Variants in GRM5 observed in about 807,000 individuals in gnomAD.
GRM5 encodes the protein glutamate metabotropic receptor 5.
A neutral mutation model predicts 83.1 loss-of-function variants in GRM5; 19 were observed. The observed-to-expected ratio is 0.23, with a 90% CI of 0.16 to 0.34. The LOEUF is 0.34. Ranked by LOEUF, GRM5 falls within the 10% of genes least tolerant of loss-of-function variation. The pLI is 1.00. For synonymous variants in GRM5, 675 were observed against 633.6 expected (o/e 1.07, Z -0.98); for missense variants, 1,160 against 1,588.3 (o/e 0.73, Z 4.58).
chr11:89,053,572 G>T (rs1249858825), intron 1 of GRM5, among the ~76,000 whole-genome samples: 3 of 151,914 alleles, frequency 2.0e-5, no homozygotes, highest in African/African-American at 7.3e-5. Context: ...GGACAAAATA[G>T]ATATAAAGTC....
chr11:88,828,403 T>C (rs1407658344), intron 3 of GRM5, among the ~76,000 whole-genome samples: 3 of 152,206 alleles, frequency 2.0e-5, no homozygotes, highest in Admixed American at 2.0e-4. Context: ...TCATCCAATC[T>C]TATTTGTTCT....
At chr11:88,639,040 T>A (rs1939216995) in intron 4 of GRM5, among the ~76,000 whole-genome samples, 1 of 152,328 alleles carries the variant, frequency 6.6e-6, no homozygotes, top group African/African-American at 2.4e-5. Flanking sequence ...TTTACAAATT[T>A]CTTGAGGTGG....
chr11:88,646,848 C>T (rs544267415), intron 4 of GRM5, among the ~76,000 whole-genome samples: 1 of 148,042 alleles, frequency 6.8e-6, no homozygotes, highest in African/African-American at 2.4e-5. Context: ...GTTTGAGGAT[C>T]TCTCTTGGTT....
chr11:88,886,258 G>A (rs1590939044), intron 2 of GRM5, among the ~76,000 whole-genome samples: 3 of 152,160 alleles, frequency 2.0e-5, no homozygotes, highest in African/African-American at 4.8e-5. Context: ...TTCCTGGTGC[G>A]TGATGACAAA....
intron 2 of GRM5, among the ~76,000 whole-genome samples, chr11:88,906,789 AATAATGGAAACTCCATTG>A (rs750505864): frequency 5.3e-5 from 8 of 152,218 alleles, no homozygotes; most frequent in Non-Finnish European, 1.2e-4. Context: ...AAATTGAGTA[AATAATGGAAACTCCATTG>A]AGCCATTATA....
chr11:88,761,208 G>A (rs1438943980), intron 3 of GRM5, among the ~76,000 whole-genome samples: 4 of 151,846 alleles, frequency 2.6e-5, no homozygotes, highest in East Asian at 1.9e-4. Flanking sequence ...CAGAGAAATC[G>A]GGCAACAGAA....
chr11:88,815,122 A>T (rs1943652882), intron 3 of GRM5, among the ~76,000 whole-genome samples: 1 of 152,236 alleles, frequency 6.6e-6, no homozygotes, highest in South Asian at 2.1e-4. Context: ...ATGGCAGCAT[A>T]TACATTATTT....
intron 3 of GRM5, among the ~76,000 whole-genome samples, chr11:88,701,198 C>T (rs896660451): frequency 1.3e-5 from 2 of 152,138 alleles, no homozygotes; most frequent in Non-Finnish European, 2.9e-5. Context: ...AAAGAAACCA[C>T]CATCTTGTTA....
intron 3 of GRM5, among the ~76,000 whole-genome samples, chr11:88,720,137 T>G (rs1034133257): frequency 1.3e-5 from 2 of 152,060 alleles, no homozygotes; most frequent in Non-Finnish European, 2.9e-5. Context: ...ATCCAATTGA[T>G]AGTTGTTGAA....
intron 7 of GRM5, among the ~76,000 whole-genome samples, chr11:88,577,282 G>T (rs928995627): frequency 1.3e-5 from 2 of 152,044 alleles, no homozygotes; most frequent in Non-Finnish European, 2.9e-5. Flanking sequence ...CTCCAGTTGA[G>T]CTATGGGCAT....
At chr11:88,618,042 G>A (rs1488051095) in intron 4 of GRM5, among the ~76,000 whole-genome samples, 2 of 152,134 alleles carry the variant, frequency 1.3e-5, no homozygotes, top group African/African-American at 4.8e-5. Context: ...ACTCAACTAT[G>A]GGATGGAACA....
chr11:88,876,704 C>A (rs1279696064), intron 2 of GRM5, among the ~76,000 whole-genome samples: 2 of 152,064 alleles, frequency 1.3e-5, no homozygotes, highest in Non-Finnish European at 2.9e-5. Context: ...ATTGTTCTGT[C>A]TCTGACAACA....
chr11:88,584,762 A>G (rs936001330), intron 7 of GRM5, among the ~76,000 whole-genome samples: 1 of 152,098 alleles, frequency 6.6e-6, no homozygotes, highest in Non-Finnish European at 1.5e-5. Context: ...TTCATATTCA[A>G]TTTTTGAATA....
At chr11:88,753,525 A>C (rs1942328516) in intron 3 of GRM5, among the ~76,000 whole-genome samples, 1 of 152,150 alleles carries the variant, frequency 6.6e-6, no homozygotes, top group South Asian at 2.1e-4. Flanking sequence ...AATTCCATAA[A>C]GACCTAGAGG....
intron 8 of GRM5, among the ~76,000 whole-genome samples, chr11:88,563,582 TG>T (rs1473656304): frequency 6.6e-6 from 1 of 152,168 alleles, no homozygotes; most frequent in Non-Finnish European, 1.5e-5. Context: ...AGAACAGGGC[TG>T]GGTCGAGCAT....
intron 2 of GRM5, among the ~76,000 whole-genome samples, chr11:88,920,999 A>T (rs963122596): frequency 6.6e-6 from 1 of 152,184 alleles, no homozygotes; most frequent in Admixed American, 6.5e-5. Context: ...AGTGAATGAG[A>T]TATCAGCAAA....
At position 88,779,330 on chromosome 11, in the gene GRM5, T is replaced by G. The variant is rs552723919; in HGVS notation, c.911+70576A>C. On this transcript the variant is annotated intron_variant, in intron 3 of 9. Coordinates refer to ENST00000305447, the MANE Select transcript of GRM5 (RefSeq NM_001143831.3). The stretch of plus-strand genomic sequence containing the variant: ...CTTCAATTCTTCATCTGGCAGAACC[T>G]AGCATGGTAATATTTGCTCTAAAGA... Among the ~76,000 whole-genome samples the G allele has an allele frequency of 2.0e-5, 3 of 152,304 alleles. No individual in the cohort carries two copies. The East Asian group carries it at 5.8e-4, about 29-fold the overall frequency.
At chr11:88,773,751 C>T (rs7101989) in intron 3 of GRM5, among the ~76,000 whole-genome samples, 4,351 of 152,222 alleles carry the variant, frequency 0.029, 218 homozygotes, top group African/African-American at 0.098. Flanking sequence ...TGTCAAAAAT[C>T]AGATGGTTGT....
intron 4 of GRM5, among the ~76,000 whole-genome samples, chr11:88,647,052 A>G (rs1758267120): frequency 6.6e-6 from 1 of 152,046 alleles, no homozygotes; most frequent in African/African-American, 2.4e-5. Flanking sequence ...ATGACCGTCA[A>G]TCCTTGATAT....
Sources: gnomAD v4.1 joint callset for allele counts (sites outside exome capture counted in the v4.1 genomes callset) on GRCh38, gnomAD v4.1.1 for gene constraint, MANE v1.5 for transcripts, NCBI Gene and HGNC (gene_info 2026-07-23, HGNC 2026-07-21) for gene names.